Variants in ZNF621 observed in about 807,000 individuals in gnomAD.
ZNF621 encodes the protein zinc finger protein 621.
In ZNF621, 6 loss-of-function variants were observed where a neutral mutation model predicts 12.7. The observed-to-expected ratio is 0.47, with a 90% CI of 0.26 to 0.93. The LOEUF (loss-of-function observed/expected upper bound fraction) is 0.93, where lower values mean the gene tolerates loss of function less well. Ranked by LOEUF, ZNF621 falls within the 40% of genes least tolerant of loss-of-function variation. The pLI is 0.15. For missense variants in ZNF621, 474 were observed against 524.0 expected (o/e 0.90, Z 0.93); for synonymous variants, 156 against 190.3 (o/e 0.82, Z 1.48).
At position 40,533,240 on chromosome 3, in the gene ZNF621, A is replaced by G; in HGVS notation, c.*150A>G. Reference sequence around the variant, plus strand: ...ACTGCAACCTCCCCCTCCTGGGTTCAAGCGATTCTCCTCCTTCAGACTCTC... The same window carrying G: ...ACTGCAACCTCCCCCTCCTGGGTTCGAGCGATTCTCCTCCTTCAGACTCTC... On this transcript the variant is annotated 3_prime_UTR_variant, in exon 5 of 5. Coordinates refer to ENST00000339296, the MANE Select transcript of ZNF621 (RefSeq NM_198484.5). 7.8e-7 allele frequency: 1 copy of G among 1,284,776 alleles called. No individual in the cohort carries two copies. The highest frequency in any genetic ancestry group is 1.6e-5 in the South Asian group (1 of 61,952). The allele number at this position is 1,284,776 out of a possible 1,614,324, so 79.6% of individuals were successfully genotyped here. A position where few individuals can be genotyped will look rare whatever the true frequency, so the allele number is the denominator to read the frequency against.
chr3:40,527,813 A>G (rs116834542), intron 2 of ZNF621, among the ~76,000 whole-genome samples: 71 of 152,358 alleles, frequency 4.7e-4, no homozygotes, highest in African/African-American at 1.6e-3. Context: ...TGATTGAGAA[A>G]TAACTTACCC....
upstream of ZNF621, among the ~76,000 whole-genome samples, chr3:40,523,658 C>A (rs1024315104): frequency 6.6e-6 from 1 of 151,944 alleles, no homozygotes; most frequent in Admixed American, 6.6e-5. Flanking sequence ...CCCAGCTACT[C>A]GGGAGGCTGA....
chr3:40,530,192 CT>C lies in ZNF621; in HGVS notation c.152-16del, dbSNP rs1444625909. The C allele has an allele frequency of 1.2e-6, 2 of 1,608,790 alleles. No homozygotes were observed. On this transcript the variant is annotated splice_polypyrimidine_tract_variant and intron_variant, in intron 3 of 4. Coordinates refer to ENST00000339296, the MANE Select transcript of ZNF621 (RefSeq NM_198484.5). ...GGACGTCTCCCCTCAATTTGTCTTT[CT>C]CTTTTCTTCATGAAGTAGCGTTTCC...
At chr3:40,527,573 T>A (rs1016286685) in intron 2 of ZNF621, among the ~76,000 whole-genome samples, 1 of 152,192 alleles carries the variant, frequency 6.6e-6, no homozygotes, top group African/African-American at 2.4e-5. Flanking sequence ...GTAATTAATT[T>A]ATTTGTAGTT....
rs181222004 is a variant in ZNF621, at chr3:40,536,852, C to T, written c.*3762C>T. 20 of 152,240 alleles carry T rather than the reference C, an allele frequency of 1.3e-4. No homozygotes were observed. The East Asian group carries it at 3.3e-3, about 25-fold the overall frequency. 9.4% of individuals were successfully genotyped at this position (152,240 alleles called of 1,614,324 possible). Reference sequence around the variant, plus strand: ...GCTCATTTCATTTTTCTGTGTCTTACACAGAAACTTAAAATATTTCAAACT... The same window carrying T: ...GCTCATTTCATTTTTCTGTGTCTTATACAGAAACTTAAAATATTTCAAACT... On this transcript the variant is annotated 3_prime_UTR_variant, in exon 5 of 5. Coordinates refer to ENST00000339296, the MANE Select transcript of ZNF621 (RefSeq NM_198484.5).
At position 40,533,277 on chromosome 3, in the gene ZNF621, A is replaced by T; in HGVS notation, c.*187A>T. The T allele has an allele frequency of 1.0e-6, 1 of 979,688 alleles. No homozygotes were observed. The highest frequency in any genetic ancestry group is 1.4e-6 in the Non-Finnish European group (1 of 693,384). 60.7% of individuals were successfully genotyped at this position (979,688 alleles called of 1,614,324 possible). A position where few individuals can be genotyped will look rare whatever the true frequency, so the allele number is the denominator to read the frequency against. On this transcript the variant is annotated 3_prime_UTR_variant, in exon 5 of 5. Coordinates refer to ENST00000339296, the MANE Select transcript of ZNF621 (RefSeq NM_198484.5). ...TCCTTCAGACTCTCGAATAGCTGGG[A>T]TTACAGGCACGCCTCACCACGCCCA... is the stretch of plus-strand genomic sequence containing the variant.
At chr3:40,528,299 T>TA (rs1440735406) in intron 2 of ZNF621, among the ~76,000 whole-genome samples, 1 of 152,244 alleles carries the variant, frequency 6.6e-6, no homozygotes, top group African/African-American at 2.4e-5. Context: ...GCATTTCGTT[T>TA]CCTCTGTGTC....
chr3:40,524,715 G>A (rs1259187741), upstream of ZNF621, among the ~76,000 whole-genome samples: 2 of 152,200 alleles, frequency 1.3e-5, no homozygotes, highest in Admixed American at 1.3e-4. Context: ...CGAGGTCTCG[G>A]TAGAGCCAGG....
chr3:40,528,820 C>T (rs1328100458), intron 2 of ZNF621, among the ~76,000 whole-genome samples: 3 of 152,104 alleles, frequency 2.0e-5, no homozygotes, highest in Non-Finnish European at 2.9e-5. Flanking sequence ...CTGTTGAGGT[C>T]TTTTGCCTGT....
Position 40,530,208 on chromosome 3 carries a change from G to A in ZNF621, c.152-1G>A, listed in dbSNP as rs1298872174. 1 of 1,612,950 alleles carries A rather than the reference G, an allele frequency of 6.2e-7. No individual in the cohort carries two copies. Among genetic ancestry groups the A allele is most frequent in the East Asian group, 2.2e-5 (1 of 44,870 alleles). On this transcript the variant is annotated splice_acceptor_variant, in intron 3 of 4. Transcript: ENST00000339296. LOFTEE classifies it high-confidence loss of function. ...TTTGTCTTTCTCTTTTCTTCATGAA[G>A]TAGCGTTTCCATTCCCCAAACCTGC...
intron 2 of ZNF621, among the ~76,000 whole-genome samples, chr3:40,526,316 G>T (rs1698582110): frequency 6.6e-6 from 1 of 152,224 alleles, no homozygotes; most frequent in Admixed American, 6.5e-5. Flanking sequence ...GATTACAGAT[G>T]TGCGCCGCCA....
intron 2 of ZNF621, among the ~76,000 whole-genome samples, chr3:40,527,401 A>G (rs943866208): frequency 1.4e-4 from 21 of 146,510 alleles, no homozygotes; most frequent in African/African-American, 5.3e-4. Flanking sequence ...GCATGATCTC[A>G]GCTCACTGCA....
Position 40,529,396 on chromosome 3 carries a change from C to G in ZNF621, c.102C>G (p.Ala34=). The part of the protein sequence containing the change: ...QWASLDPAQR[A]LYGEVMLENY... ...CCAGCCTCGACCCTGCGCAGAGGGC[C>G]CTGTACGGGGAGGTGATGCTGGAGA... Residue 34 remains alanine, a synonymous_variant, in exon 3 of 5, where the codon GCC becomes GCG. Transcript: ENST00000339296. 1 of 1,613,868 alleles carries G rather than the reference C, an allele frequency of 6.2e-7. No homozygotes were observed. Among genetic ancestry groups the G allele is most frequent in the Non-Finnish European group, 8.5e-7 (1 of 1,179,884 alleles).
At chr3:40,524,050 G>C (rs1698521092), upstream of ZNF621, among the ~76,000 whole-genome samples, 1 of 152,198 alleles carries the variant, frequency 6.6e-6, no homozygotes, top group Admixed American at 6.5e-5. Context: ...GTACTTGTTA[G>C]TGACTTGGGA....
chr3:40,532,920 C>T lies in ZNF621; in HGVS notation c.1150C>T (p.Leu384=), dbSNP rs964242513. The change falls in exon 5 of 5, where the codon CTG becomes TTG. Residue 384 remains leucine, a synonymous_variant. Coordinates refer to ENST00000339296, the MANE Select transcript of ZNF621 (RefSeq NM_198484.5). The part of the protein sequence containing the change: ...CSASAVAVPS[L]TFPHAVLIPT... ...TGCTTCAGCCGTAGCTGTGCCTTCA[C>T]TGACCTTTCCACATGCTGTGCTCAT... 2 of 1,570,726 alleles carry T rather than the reference C, an allele frequency of 1.3e-6. No individual in the cohort carries two copies. Among genetic ancestry groups the T allele is most frequent in the African/African-American group, 1.4e-5 (1 of 73,814 alleles).
Position 40,532,387 on chromosome 3 carries a change from C to T in ZNF621, c.617C>T (p.Pro206Leu). 2 of 1,613,320 alleles carry T rather than the reference C, an allele frequency of 1.2e-6. No individual in the cohort carries two copies. Among genetic ancestry groups the T allele is most frequent in the Non-Finnish European group, 1.7e-6 (2 of 1,180,008 alleles). ...GAGAAAAACCACATTGGAGAAGGGC[C>T]CTATGAATGTAAGGAGTGTGGCAAA... ...VHEKNHIGEG[P>L]YECKECGKGL... The change falls in exon 5 of 5, where the codon CCC (proline) becomes CTC (leucine). Residue 206 changes from proline to leucine, a missense_variant. Transcript: ENST00000339296.
At chr3:40,530,425 C>T (rs745972176) in intron 4 of ZNF621, 109 bp downstream of exon 4, 13 of 869,728 alleles carry the variant, frequency 1.5e-5, no homozygotes, top group South Asian at 3.3e-5. Context: ...ATTTATAAGT[C>T]GATACTCACT....
chr3:40,524,991 T>A lies in ZNF621; in HGVS notation c.-346T>A, dbSNP rs898523258. On this transcript the variant is annotated 5_prime_UTR_variant, in exon 1 of 5. Coordinates refer to ENST00000339296, the MANE Select transcript of ZNF621 (RefSeq NM_198484.5). ...GCTCGGCCTTTAGTTAGTGACCAGCTCCTCGGCGTTCTGCAGAGCGTGGGT... is the reference window on the plus strand; with the variant it reads ...GCTCGGCCTTTAGTTAGTGACCAGCACCTCGGCGTTCTGCAGAGCGTGGGT... 3.3e-5 allele frequency: 5 copies of A among 152,244 alleles called. No individual in the cohort carries two copies. Among genetic ancestry groups the A allele is most frequent in the Non-Finnish European group, 7.3e-5 (5 of 68,076 alleles). The allele number at this position is 152,244 out of a possible 1,614,324, so 9.4% of individuals were successfully genotyped here. A position where few individuals can be genotyped will look rare whatever the true frequency, so the allele number is the denominator to read the frequency against.
chr3:40,530,948 C>G (rs1017151652), intron 4 of ZNF621, among the ~76,000 whole-genome samples: 3 of 152,146 alleles, frequency 2.0e-5, no homozygotes, highest in Admixed American at 6.6e-5. Context: ...TAAAATTTCC[C>G]TGAGATGGCT....
Sources: gnomAD v4.1 joint callset for allele counts (sites outside exome capture counted in the v4.1 genomes callset) on GRCh38, gnomAD v4.1.1 for gene constraint, MANE v1.5 for transcripts, NCBI Gene and HGNC (gene_info 2026-07-23, HGNC 2026-07-21) for gene names.